Variants in TNKS observed in about 807,000 individuals in gnomAD.
TNKS encodes poly [ADP-ribose] polymerase tankyrase-1.
TNKS carries 72 observed loss-of-function variants against 135.8 expected under a neutral mutation model. That is an observed-to-expected ratio of 0.53 (90% CI 0.44 to 0.64). TNKS has a LOEUF of 0.64. Ranked by LOEUF, TNKS falls within the 30% of genes least tolerant of loss-of-function variation. The probability of loss-of-function intolerance (pLI) is 0.00; values close to 1 mark genes in which losing one functional copy is unlikely to be tolerated. For missense variants in TNKS, 1,769 were observed against 1,674.0 expected (o/e 1.06, Z -0.99); for synonymous variants, 849 against 649.3 (o/e 1.31, Z -4.68).
At chr8:9,683,334 T>C (rs892264445) in intron 5 of TNKS, among the ~76,000 whole-genome samples, 9 of 152,052 alleles carry the variant, frequency 5.9e-5, no homozygotes, top group African/African-American at 2.2e-4. Flanking sequence ...AGTCCTTTTT[T>C]AGAACATTTC....
rs748039180 is a variant in TNKS at position 9,760,198 on chromosome 8, G to A, written c.3154-1318G>A. The stretch of plus-strand genomic sequence containing the variant: ...ATTTTGTGAACTATTCCATCTCAAA[G>A]ATGTGTATTTCAGAACTGGGGTTTG... On this transcript the variant is annotated intron_variant, in intron 20 of 26. Coordinates refer to ENST00000310430, the MANE Select transcript of TNKS (RefSeq NM_003747.3). 4.6e-5 allele frequency among the ~76,000 whole-genome samples: 7 copies of A among 152,264 alleles called. No homozygotes were observed. The South Asian group carries it at 6.2e-4, about 14-fold the overall frequency.
At chr8:9,576,466 CTTT>C (rs915555599) in intron 1 of TNKS, among the ~76,000 whole-genome samples, 1 of 131,474 alleles carries the variant, frequency 7.6e-6, no homozygotes. Flanking sequence ...CCACCCCCCT[CTTT>C]TTTTTTTTTT....
chr8:9,701,999 A>G (rs987921084), intron 5 of TNKS, among the ~76,000 whole-genome samples: 7 of 152,218 alleles, frequency 4.6e-5, no homozygotes, highest in South Asian at 2.1e-4. Flanking sequence ...GCCACCAGCC[A>G]TAGTAAAAAG....
At chr8:9,639,164 T>C (rs1800630233) in intron 3 of TNKS, among the ~76,000 whole-genome samples, 1 of 152,214 alleles carries the variant, frequency 6.6e-6, no homozygotes, top group Admixed American at 6.5e-5. Flanking sequence ...GAATATTTTC[T>C]ATGTTATTCA....
At chr8:9,650,412 T>C (rs959499060) in intron 3 of TNKS, among the ~76,000 whole-genome samples, 2 of 152,184 alleles carry the variant, frequency 1.3e-5, no homozygotes, top group East Asian at 3.9e-4. Flanking sequence ...CCGTAGTGGT[T>C]TTACTAGTTT....
intron 1 of TNKS, chr8:9,575,165 C>G (rs926936828): frequency 4.8e-4 from 353 of 736,126 alleles, no homozygotes; most frequent in Non-Finnish European, 5.6e-4. Context: ...CGGCTCATTG[C>G]AAGCTCCGCC....
At chr8:9,659,325 A>G (rs1379574893) in intron 3 of TNKS, among the ~76,000 whole-genome samples, 1 of 152,246 alleles carries the variant, frequency 6.6e-6, no homozygotes, top group Non-Finnish European at 1.5e-5. Context: ...AATTGACCAC[A>G]TAGTTGGAAG....
intron 5 of TNKS, among the ~76,000 whole-genome samples, chr8:9,701,864 G>C (rs896653429): frequency 6.6e-6 from 1 of 152,172 alleles, no homozygotes; most frequent in Non-Finnish European, 1.5e-5. Context: ...GCCCCTTACA[G>C]TGTTCAGATA....
intron 17 of TNKS, chr8:9,741,849 G>A (rs750144889): frequency 5.0e-5 from 15 of 299,784 alleles, no homozygotes; most frequent in Non-Finnish European, 1.1e-4. Context: ...TCTCCTGACC[G>A]GAAGTCCACT....
chr8:9,579,132 C>G (rs1357714790), intron 1 of TNKS, among the ~76,000 whole-genome samples: 2 of 152,162 alleles, frequency 1.3e-5, no homozygotes, highest in Admixed American at 1.3e-4. Flanking sequence ...CCCTAAACCC[C>G]CATTTTTGTC....
chr8:9,685,953 A>T (rs1216592960), intron 5 of TNKS, among the ~76,000 whole-genome samples: 1 of 152,094 alleles, frequency 6.6e-6, no homozygotes, highest in Non-Finnish European at 1.5e-5. Context: ...TCTCAGTATA[A>T]CTTTTTTCCA....
chr8:9,599,457 C>T (rs566922868), intron 2 of TNKS, among the ~76,000 whole-genome samples: 1 of 152,208 alleles, frequency 6.6e-6, no homozygotes, highest in South Asian at 2.1e-4. Flanking sequence ...AGTAACTTGC[C>T]CAAGGTCAGA....
chr8:9,761,392 A>G lies in TNKS; in HGVS notation c.3154-124A>G, dbSNP rs200940378. 5.9e-6 allele frequency: 6 copies of G among 1,009,024 alleles called. No homozygotes were observed. The African/African-American group carries it at 1.0e-4, about 17-fold the overall frequency. 62.5% of individuals were successfully genotyped at this position (1,009,024 alleles called of 1,614,324 possible). A position where few individuals can be genotyped will look rare whatever the true frequency, so the allele number is the denominator to read the frequency against. On this transcript the variant is annotated intron_variant, in intron 20 of 26. Coordinates refer to ENST00000310430, the MANE Select transcript of TNKS (RefSeq NM_003747.3). ...TTAAAAAAATTGTAAGCTCATGTTT[A>G]TAAAGGGAACAAAAGAATTTTCTTA...
At chr8:9,659,522 G>T (rs1434926134) in intron 3 of TNKS, among the ~76,000 whole-genome samples, 1 of 152,100 alleles carries the variant, frequency 6.6e-6, no homozygotes, top group African/African-American at 2.4e-5. Flanking sequence ...AAATAAAGAT[G>T]TTCTTTGAAA....
At chr8:9,668,054 A>C (rs1368235721) in intron 3 of TNKS, among the ~76,000 whole-genome samples, 1 of 152,208 alleles carries the variant, frequency 6.6e-6, no homozygotes, top group Non-Finnish European at 1.5e-5. Context: ...CAACTTGTTC[A>C]TTTAGTAGAC....
chr8:9,693,465 A>G (rs547349430), intron 5 of TNKS, among the ~76,000 whole-genome samples: 45 of 152,300 alleles, frequency 3.0e-4, no homozygotes, highest in Non-Finnish European at 4.3e-4. Flanking sequence ...GCTGGAGGGA[A>G]AAAATAATAA....
At chr8:9,626,413 C>G in intron 3 of TNKS, among the ~76,000 whole-genome samples, 1 of 152,170 alleles carries the variant, frequency 6.6e-6, no homozygotes, top group East Asian at 1.9e-4. Context: ...TTCCTCACGT[C>G]TAGAACTGTA....
chr8:9,731,368 G>A (rs1000108133), intron 14 of TNKS, among the ~76,000 whole-genome samples: 1 of 148,918 alleles, frequency 6.7e-6, no homozygotes, highest in African/African-American at 2.5e-5. Flanking sequence ...GCTGAGGCAG[G>A]AGAATCACTT....
intron 16 of TNKS, 45 bp from the exon 17 acceptor site, chr8:9,735,332 T>C (rs80063486): frequency 3.2e-6 from 5 of 1,544,604 alleles, no homozygotes; most frequent in Non-Finnish European, 4.5e-6. Context: ...GTATTTTTTT[T>C]CCTTTAAGCT....
Sources: gnomAD v4.1 joint callset for allele counts (sites outside exome capture counted in the v4.1 genomes callset) on GRCh38, gnomAD v4.1.1 for gene constraint, MANE v1.5 for transcripts, NCBI Gene and HGNC (gene_info 2026-07-23, HGNC 2026-07-21) for gene names.